GPR160: variants seen among roughly 807,000 people sequenced by gnomAD.
GPR160 encodes the protein probable G protein-coupled receptor 160.
Under a neutral mutation model 2.6 loss-of-function variants are expected in GPR160, and 2 were observed. The observed-to-expected ratio is 0.77, with a 90% CI of 0.32 to 2.44. The LOEUF is 2.44. Among genes scored for constraint, GPR160 ranks in the 30% most tolerant of loss-of-function variants. The pLI, the probability that GPR160 is intolerant of heterozygous loss-of-function variation, is 0.11. For missense variants in GPR160, 351 were observed against 383.6 expected, an observed-to-expected ratio of 0.91 and a Z score of 0.71; for synonymous variants, 130 against 132.2, an observed-to-expected ratio of 0.98 and a Z score of 0.12.
At chr3:170,050,537 G>C (rs913693276) in intron 2 of GPR160, among the ~76,000 whole-genome samples, 9 of 152,060 alleles carry the variant, frequency 5.9e-5, no homozygotes, top group Non-Finnish European at 1.2e-4. Context: ...CTCCCAAGCA[G>C]CTGGGATTAC....
intron 2 of GPR160, among the ~76,000 whole-genome samples, chr3:170,039,666 G>A (rs1014562815): frequency 1.3e-5 from 2 of 152,280 alleles, no homozygotes; most frequent in African/African-American, 2.4e-5. Context: ...CCGAGATGGC[G>A]CCACTGCACT....
intron 2 of GPR160, among the ~76,000 whole-genome samples, chr3:170,052,525 T>C (rs1717001911): frequency 6.6e-6 from 1 of 152,234 alleles, no homozygotes; most frequent in Admixed American, 6.5e-5. Flanking sequence ...TTTGTACATA[T>C]TCTTTTTGGA....
At chr3:170,048,911 G>A (rs1285929343) in intron 2 of GPR160, among the ~76,000 whole-genome samples, 1 of 152,096 alleles carries the variant, frequency 6.6e-6, no homozygotes, top group South Asian at 2.1e-4. Context: ...ATCAGAATCT[G>A]TCTTTTAACA....
Position 170,084,937 on chromosome 3 carries a change from C to G in GPR160, c.965C>G (p.Thr322Arg), listed in dbSNP as rs1559996251. 6 of 1,596,462 alleles carry G rather than the reference C, an allele frequency of 3.8e-6. No homozygotes were observed. Among genetic ancestry groups the G allele is most frequent in the Non-Finnish European group, 5.1e-6 (6 of 1,170,196 alleles). ...TGGAAGTGCTGCTTCATTCCACTTACAATTCCTAATCTTGAGCAAATTGAA... is the reference window on the plus strand; with the variant it reads ...TGGAAGTGCTGCTTCATTCCACTTAGAATTCCTAATCTTGAGCAAATTGAA... ...VNWKCCFIPL[T>R]IPNLEQIEKP... The change falls in exon 4 of 4, where the codon ACA (threonine) becomes AGA (arginine). Residue 322 changes from threonine (T) to arginine (R), a missense_variant. Physicochemically the swap from Thr to Arg is moderately conservative, Grantham distance 71. Coordinates refer to ENST00000355897, the MANE Select transcript of GPR160 (RefSeq NM_014373.3).
At chr3:170,044,141 A>G (rs7615872) in intron 2 of GPR160, among the ~76,000 whole-genome samples, 4,943 of 152,012 alleles carry the variant, frequency 0.033, 245 homozygotes, top group African/African-American at 0.11. Flanking sequence ...CCTGACCAAC[A>G]TGGAGAAACC....
chr3:170,054,912 GC>G, intron 2 of GPR160, among the ~76,000 whole-genome samples: 1 of 151,684 alleles, frequency 6.6e-6, no homozygotes, highest in Non-Finnish European at 1.5e-5. Flanking sequence ...TCCTGCCTCA[GC>G]CTCCCTAGTA....
chr3:170,049,271 T>G (rs1716857006), intron 2 of GPR160, among the ~76,000 whole-genome samples: 1 of 152,224 alleles, frequency 6.6e-6, no homozygotes, highest in South Asian at 2.1e-4. Context: ...TCTCTCAAGT[T>G]TATCTTTCAT....
intron 2 of GPR160, among the ~76,000 whole-genome samples, chr3:170,075,526 C>G (rs1357653644): frequency 6.6e-6 from 1 of 152,184 alleles, no homozygotes; most frequent in Non-Finnish European, 1.5e-5. Flanking sequence ...TGTGAATCGC[C>G]AGGGGCTTTG....
chr3:170,041,322 G>C (rs1298886285), intron 2 of GPR160, among the ~76,000 whole-genome samples: 3 of 123,194 alleles, frequency 2.4e-5, no homozygotes, highest in Non-Finnish European at 3.3e-5. Flanking sequence ...TTTTTTTTGA[G>C]ACGGAGTCTT....
chr3:170,043,558 A>G (rs1216902880), intron 2 of GPR160, among the ~76,000 whole-genome samples: 1 of 152,198 alleles, frequency 6.6e-6, no homozygotes, highest in Non-Finnish European at 1.5e-5. Flanking sequence ...AGTTGTAGCT[A>G]GAGGTTAATA....
chr3:170,044,311 C>T lies in GPR160; in HGVS notation c.-193+5268C>T, dbSNP rs144510786. Among the ~76,000 whole-genome samples, 408 of 114,098 alleles carry T rather than the reference C, an allele frequency of 3.6e-3. 9 individuals are homozygous for T. The East Asian group carries it at 0.093, about 26-fold the overall frequency. The allele number at this position is 114,098 out of a possible 152,430, so 74.9% of individuals were successfully genotyped here. A position where few individuals can be genotyped will look rare whatever the true frequency, so the allele number is the denominator to read the frequency against. ...TGCACTCCAGCCTGGGGAAGAAGAG[C>T]GAAACTCCATCTCAAAAAAAAAAAA... On this transcript the variant is annotated intron_variant, in intron 2 of 3. Coordinates refer to ENST00000355897, the MANE Select transcript of GPR160 (RefSeq NM_014373.3).
In GPR160 at chr3:170,084,814, A is replaced by T. The variant is rs1713340472; in HGVS notation, c.842A>T (p.Tyr281Phe). 2 of 1,608,426 alleles carry T rather than the reference A, an allele frequency of 1.2e-6. No individual in the cohort carries two copies. The highest frequency in any genetic ancestry group is 1.3e-5 in the African/African-American group (1 of 74,804). The change falls in exon 4 of 4, where the codon TAC becomes TTC. Residue 281 changes from tyrosine (Y) to phenylalanine (F), a missense_variant. Coordinates refer to ENST00000355897, the MANE Select transcript of GPR160 (RefSeq NM_014373.3). ...ATTGAGATGAATATTCCCTGGTTAT[A>T]CTTTGTCAATAGTTTTCTCATTGCT... ...AYIEMNIPWL[Y>F]FVNSFLIATV...
At chr3:170,060,722 G>A (rs932154213) in intron 2 of GPR160, among the ~76,000 whole-genome samples, 2 of 152,164 alleles carry the variant, frequency 1.3e-5, no homozygotes, top group African/African-American at 4.8e-5. Flanking sequence ...AGTGAGCTAT[G>A]ACTGTACTAC....
At chr3:170,069,925 G>A (rs74451958) in intron 2 of GPR160, among the ~76,000 whole-genome samples, 2,047 of 152,150 alleles carry the variant, frequency 0.013, 45 homozygotes, top group East Asian at 0.094. Context: ...GCCTTTTGCA[G>A]CCTGTAGATG....
chr3:170,070,901 G>GTT (rs1288765685), intron 2 of GPR160, among the ~76,000 whole-genome samples: 1 of 152,042 alleles, frequency 6.6e-6, no homozygotes, highest in Non-Finnish European at 1.5e-5. Context: ...TTAAAAATAA[G>GTT]TTAAAACACT....
chr3:170,056,158 C>G (rs1361373158), intron 2 of GPR160, among the ~76,000 whole-genome samples: 1 of 152,054 alleles, frequency 6.6e-6, no homozygotes, highest in Non-Finnish European at 1.5e-5. Context: ...AATTCTGAAC[C>G]TTATACTTGT....
rs35080259 is a variant in GPR160, at chr3:170,054,097, TTGTGTGTG to T, written c.-193+15064_-193+15071del. ...TATTTTATAAACTAAAAAGCAGCGT[TTGTGTGTG>T]TGTGTGTGTATGTGTGTGTAGAGTT... is the stretch of plus-strand genomic sequence containing the variant. On this transcript the variant is annotated intron_variant, in intron 2 of 3. Coordinates refer to ENST00000355897, the MANE Select transcript of GPR160 (RefSeq NM_014373.3). Among the ~76,000 whole-genome samples the T allele has an allele frequency of 1.1e-4, 17 of 150,382 alleles. No individual in the cohort carries two copies. The East Asian group carries it at 2.0e-3, about 17-fold the overall frequency.
At chr3:170,082,178 CT>C (rs1371951064) in intron 3 of GPR160, among the ~76,000 whole-genome samples, 1 of 152,096 alleles carries the variant, frequency 6.6e-6, no homozygotes, top group Non-Finnish European at 1.5e-5. Flanking sequence ...CCTTTTTAGC[CT>C]TTTCCTATGC....
chr3:170,081,656 GATT>G (rs1486454452), intron 3 of GPR160, among the ~76,000 whole-genome samples: 2 of 152,078 alleles, frequency 1.3e-5, no homozygotes, highest in African/African-American at 2.4e-5. Context: ...TTTCTGCACA[GATT>G]ATTTTGTCAC....
Sources: allele counts gnomAD v4.1 joint callset (sites outside exome capture counted in the v4.1 genomes callset), GRCh38; gene constraint gnomAD v4.1.1; transcripts MANE v1.5; gene names NCBI Gene and HGNC (gene_info 2026-07-23, HGNC 2026-07-21).